ADGRL3: variants seen among roughly 807,000 people sequenced by gnomAD.
ADGRL3 encodes adhesion G protein-coupled receptor L3.
A neutral mutation model predicts 153.5 loss-of-function variants in ADGRL3; 62 were observed. The ratio of observed to expected loss-of-function variants is 0.40; its 90% CI spans 0.33 to 0.50. The LOEUF (loss-of-function observed/expected upper bound fraction) is 0.50, where lower values mean the gene tolerates loss of function less well. Ranked by LOEUF, ADGRL3 falls within the 20% of genes least tolerant of loss-of-function variation. ADGRL3 has a pLI of 0.47. For synonymous variants in ADGRL3, 710 were observed against 672.5 expected, an observed-to-expected ratio of 1.06 and a Z score of -0.86; for missense variants, 1,641 against 1,859.4, an observed-to-expected ratio of 0.88 and a Z score of 2.16.
chr4:62,054,796 T>C (rs570921815), intron 25 of ADGRL3, among the ~76,000 whole-genome samples: 8 of 151,600 alleles, frequency 5.3e-5, no homozygotes, highest in South Asian at 4.1e-4. Context: ...AACTGCCCAA[T>C]AGAAATGTGG....
chr4:61,575,929 C>T (rs564485512), intron 4 of ADGRL3, among the ~76,000 whole-genome samples: 3 of 151,998 alleles, frequency 2.0e-5, no homozygotes, highest in African/African-American at 7.2e-5. Context: ...GTTTTATTAA[C>T]CCCAATGGTA....
chr4:61,707,322 A>G (rs1028830002), intron 6 of ADGRL3, among the ~76,000 whole-genome samples: 5 of 152,218 alleles, frequency 3.3e-5, no homozygotes, highest in Middle Eastern at 3.2e-3. Flanking sequence ...GTTGAAAAAC[A>G]TGGCGCCAAT....
intron 4 of ADGRL3, among the ~76,000 whole-genome samples, chr4:61,545,569 A>C (rs7655377): frequency 0.022 from 3,305 of 152,284 alleles, 104 homozygotes; most frequent in African/African-American, 0.073. Context: ...GCTGGAGTGC[A>C]GTGACGCCAT....
intron 1 of ADGRL3, among the ~76,000 whole-genome samples, chr4:61,332,685 G>A (rs954472863): frequency 6.6e-6 from 1 of 152,110 alleles, no homozygotes; most frequent in African/African-American, 2.4e-5. Context: ...AGGTTTTAAT[G>A]TGTCTGTCAA....
intron 17 of ADGRL3, among the ~76,000 whole-genome samples, chr4:61,968,960 T>C (rs1464550798): frequency 6.6e-6 from 1 of 152,110 alleles, no homozygotes; most frequent in East Asian, 1.9e-4. Flanking sequence ...GATTTGAAAC[T>C]CCATTTTAGA....
At chr4:61,725,626 A>C (rs1023443630) in intron 6 of ADGRL3, among the ~76,000 whole-genome samples, 2 of 151,962 alleles carry the variant, frequency 1.3e-5, no homozygotes, top group Non-Finnish European at 2.9e-5. Context: ...AACAAAAAAA[A>C]ACAAAAGTCT....
At chr4:61,757,363 T>C (rs2096848028) in intron 8 of ADGRL3, among the ~76,000 whole-genome samples, 1 of 152,118 alleles carries the variant, frequency 6.6e-6, no homozygotes, top group Non-Finnish European at 1.5e-5. Flanking sequence ...GTGTATGTGT[T>C]GAGGAATTTT....
At chr4:61,588,990 T>C (rs2098958101) in intron 5 of ADGRL3, among the ~76,000 whole-genome samples, 1 of 152,076 alleles carries the variant, frequency 6.6e-6, no homozygotes. Context: ...GTATATGATT[T>C]TCACTGAAAT....
chr4:61,674,732 G>A (rs1178529849), intron 5 of ADGRL3, among the ~76,000 whole-genome samples: 1 of 151,886 alleles, frequency 6.6e-6, no homozygotes, highest in Admixed American at 6.6e-5. Flanking sequence ...ATGGATTTAT[G>A]AGGTTGTATA....
At chr4:61,738,490 T>C (rs1360040674) in intron 8 of ADGRL3, among the ~76,000 whole-genome samples, 1 of 152,142 alleles carries the variant, frequency 6.6e-6, no homozygotes, top group Non-Finnish European at 1.5e-5. Context: ...CTTTAAGGAA[T>C]CTCTACACTG....
At position 61,813,794 on chromosome 4, in the gene ADGRL3, G is replaced by A; in HGVS notation, c.1400-15G>A. Reference sequence around the variant, plus strand: ...ACGTATGATGTCTTCTTAACAATTTGTTTTGGGTCCACAGGGCAGGCACAT... The same window carrying A: ...ACGTATGATGTCTTCTTAACAATTTATTTTGGGTCCACAGGGCAGGCACAT... On this transcript the variant is annotated splice_polypyrimidine_tract_variant and intron_variant, in intron 8 of 26. Coordinates refer to ENST00000683033, the MANE Select transcript of ADGRL3 (RefSeq NM_001387552.1). 1 of 1,606,560 alleles carries A rather than the reference G, an allele frequency of 6.2e-7. No homozygotes were observed. The highest frequency in any genetic ancestry group is 8.5e-7 in the Non-Finnish European group (1 of 1,173,424).
At chr4:61,387,608 T>C (rs2096753620) in intron 2 of ADGRL3, among the ~76,000 whole-genome samples, 1 of 152,004 alleles carries the variant, frequency 6.6e-6, no homozygotes, top group South Asian at 2.1e-4. Context: ...CCCATTTGCT[T>C]TTGAAAGAGA....
intron 2 of ADGRL3, among the ~76,000 whole-genome samples, chr4:61,391,367 C>G (rs1038782674): frequency 5.3e-5 from 8 of 152,148 alleles, no homozygotes; most frequent in Non-Finnish European, 1.0e-4. Context: ...GAACTCACTC[C>G]TTACCTCAAG....
intron 13 of ADGRL3, among the ~76,000 whole-genome samples, chr4:61,923,891 C>A (rs2098782252): frequency 6.6e-6 from 1 of 152,156 alleles, no homozygotes; most frequent in African/African-American, 2.4e-5. Flanking sequence ...TTAAATTGTG[C>A]TTAGCACACA....
At chr4:62,024,184 G>T (rs558068029) in intron 21 of ADGRL3, among the ~76,000 whole-genome samples, 6 of 152,174 alleles carry the variant, frequency 3.9e-5, no homozygotes, top group African/African-American at 1.4e-4. Context: ...ATATTTATTG[G>T]TCTTAATTTA....
chr4:61,373,800 C>T lies in ADGRL3; in HGVS notation c.-239-9324C>T, dbSNP rs946382955. ...GCATTAACTTTTTCCTACAAAAAGC[C>T]AACAGGTTAAAAACATTTTAATGAA... On this transcript the variant is annotated intron_variant, in intron 1 of 26. Coordinates refer to ENST00000683033, the MANE Select transcript of ADGRL3 (RefSeq NM_001387552.1). 2.0e-5 allele frequency among the ~76,000 whole-genome samples: 3 copies of T among 152,142 alleles called. 1 individual carries two copies. In the South Asian group the frequency reaches 6.2e-4, roughly 32 times the overall value.
chr4:61,718,594 A>C (rs2096174448), intron 6 of ADGRL3, among the ~76,000 whole-genome samples: 1 of 152,214 alleles, frequency 6.6e-6, no homozygotes, highest in African/African-American at 2.4e-5. Context: ...GAATATAAAC[A>C]TAAAATTAAA....
chr4:61,495,058 CT>C, intron 2 of ADGRL3, among the ~76,000 whole-genome samples: 2 of 152,172 alleles, frequency 1.3e-5, no homozygotes, highest in African/African-American at 2.4e-5. Context: ...TAATATCACC[CT>C]ACCCATTACA....
At chr4:61,856,441 T>C (rs1433998316) in intron 9 of ADGRL3, among the ~76,000 whole-genome samples, 1 of 149,568 alleles carries the variant, frequency 6.7e-6, no homozygotes, top group Admixed American at 6.7e-5. Context: ...CTTCCTTCCT[T>C]CCTTCCTTTT....
Sources: allele counts gnomAD v4.1 joint callset (sites outside exome capture counted in the v4.1 genomes callset), GRCh38; gene constraint gnomAD v4.1.1; transcripts MANE v1.5; gene names NCBI Gene and HGNC (gene_info 2026-07-23, HGNC 2026-07-21).